The following SPAG17 variants were observed in gnomAD, a reference collection of about 807,000 sequenced individuals.
SPAG17 encodes sperm-associated antigen 17.
In SPAG17, 169 loss-of-function variants were observed where a neutral mutation model predicts 273.6. The observed-to-expected ratio is 0.62, with a 90% CI of 0.55 to 0.70. The LOEUF is 0.70. Ranked by LOEUF, SPAG17 falls within the 30% of genes least tolerant of loss-of-function variation. SPAG17 has a pLI of 0.00. For missense variants in SPAG17, 2,557 were observed against 2,627.8 expected (o/e 0.97, Z 0.59); for synonymous variants, 825 against 873.2 (o/e 0.94, Z 0.97).
At chr1:118,027,520 AC>A (rs553675062) in intron 26 of SPAG17, among the ~76,000 whole-genome samples, 146 of 152,250 alleles carry the variant, frequency 9.6e-4, no homozygotes, top group Non-Finnish European at 1.6e-3. Flanking sequence ...TGACCCTGAG[AC>A]CCTAAGTAAC....
At position 118,015,985 on chromosome 1, in the gene SPAG17, T is replaced by A; in HGVS notation, c.4267A>T (p.Thr1423Ser). 1.2e-6 allele frequency: 2 copies of A among 1,614,030 alleles called. No homozygotes were observed. Among genetic ancestry groups the A allele is most frequent in the Non-Finnish European group, 1.7e-6 (2 of 1,179,932 alleles). The change falls in exon 29 of 49, where the codon ACA (threonine) becomes TCA (serine). Residue 1423 changes from threonine to serine, a missense_variant. Transcript: ENST00000336338. ...CATACCGTTCCATTGACAGGATCTGTGGCCTGAAAGGATAACAATGGGGTC... is the reference window on the plus strand; with the variant it reads ...CATACCGTTCCATTGACAGGATCTGAGGCCTGAAAGGATAACAATGGGGTC... ...DLTPLLSFQA[T>S]DPVNGTVMTT...
chr1:118,144,905 T>A (rs1034089703), intron 3 of SPAG17, among the ~76,000 whole-genome samples: 9 of 152,220 alleles, frequency 5.9e-5, no homozygotes, highest in Middle Eastern at 3.2e-3. Flanking sequence ...GCAGCAGTTT[T>A]TAATACTTTT....
intron 18 of SPAG17, among the ~76,000 whole-genome samples, chr1:118,063,616 T>C (rs1476558436): frequency 1.3e-5 from 2 of 152,118 alleles, no homozygotes; most frequent in East Asian, 1.9e-4. Context: ...ATGTTAGACC[T>C]AAAACCATAA....
intron 24 of SPAG17, 75 bp downstream of exon 24, chr1:118,036,695 G>A: frequency 5.4e-6 from 5 of 925,654 alleles, no homozygotes; most frequent in Non-Finnish European, 8.4e-6. Flanking sequence ...TGACAAGTGA[G>A]CAGACTGAGA....
chr1:118,067,176 G>A (rs1359015914), intron 17 of SPAG17, among the ~76,000 whole-genome samples: 3 of 152,130 alleles, frequency 2.0e-5, no homozygotes, highest in Non-Finnish European at 4.4e-5. Flanking sequence ...AGGTTGGTAG[G>A]TAATAATTAA....
chr1:118,092,020 A>G lies in SPAG17; in HGVS notation c.1174-18T>C, dbSNP rs1435823706. The G allele has an allele frequency of 6.2e-7, 1 of 1,609,998 alleles. No homozygotes were observed. The highest frequency in any genetic ancestry group is 8.5e-7 in the Non-Finnish European group (1 of 1,176,442). On this transcript the variant is annotated intron_variant, in intron 8 of 48. Transcript: ENST00000336338. ...TGTGGAGCCTAGAAAAAGAATAATT[A>G]AAAAGAAACAACTGAGATACCCAGC...
At chr1:117,957,764 G>C (rs1216533543) in intron 48 of SPAG17, among the ~76,000 whole-genome samples, 1 of 152,310 alleles carries the variant, frequency 6.6e-6, no homozygotes, top group South Asian at 2.1e-4. Context: ...GGTTCTTCCA[G>C]TGTGGCCCAG....
At chr1:118,180,693 A>G (rs917950756) in intron 1 of SPAG17, among the ~76,000 whole-genome samples, 9 of 152,112 alleles carry the variant, frequency 5.9e-5, no homozygotes, top group African/African-American at 1.7e-4. Flanking sequence ...TTAAATTATG[A>G]CATGTACCTC....
intron 3 of SPAG17, among the ~76,000 whole-genome samples, chr1:118,123,083 T>C (rs1558028871): frequency 6.6e-6 from 1 of 152,214 alleles, no homozygotes; most frequent in Non-Finnish European, 1.5e-5. Flanking sequence ...GGGGAGGATG[T>C]AGAGGAAAAA....
intron 23 of SPAG17, among the ~76,000 whole-genome samples, chr1:118,037,599 G>A (rs1427945437): frequency 6.6e-6 from 1 of 152,168 alleles, no homozygotes; most frequent in Non-Finnish European, 1.5e-5. Context: ...AGAAAATGCA[G>A]CATTTGTTTT....
intron 23 of SPAG17, among the ~76,000 whole-genome samples, chr1:118,038,966 G>A (rs1263129832): frequency 2.0e-5 from 3 of 152,100 alleles, no homozygotes; most frequent in East Asian, 1.9e-4. Context: ...CAAATGTACC[G>A]CTCTGGGTGA....
At chr1:117,981,802 C>G (rs1174481050) in intron 42 of SPAG17, among the ~76,000 whole-genome samples, 1 of 152,152 alleles carries the variant, frequency 6.6e-6, no homozygotes, top group African/African-American at 2.4e-5. Flanking sequence ...TCATTCATTA[C>G]TGTGAAAACG....
At chr1:118,143,999 C>T (rs192111236) in intron 3 of SPAG17, among the ~76,000 whole-genome samples, 96 of 152,328 alleles carry the variant, frequency 6.3e-4, no homozygotes, top group African/African-American at 2.2e-3. Flanking sequence ...ATCACCACCA[C>T]ACCTCCCCAG....
At chr1:117,963,110 A>T (rs1653319568) in intron 48 of SPAG17, 1 of 152,182 alleles carries the variant, frequency 6.6e-6, no homozygotes, top group South Asian at 2.1e-4. Context: ...TGTTTTTAGA[A>T]CACAGTACAC....
At chr1:118,129,699 CCTT>C (rs1458717865) in intron 3 of SPAG17, among the ~76,000 whole-genome samples, 3 of 150,472 alleles carry the variant, frequency 2.0e-5, no homozygotes, top group Non-Finnish European at 4.4e-5. Flanking sequence ...CTTCCTCTTC[CCTT>C]CTTTCTTTCT....
intron 1 of SPAG17, among the ~76,000 whole-genome samples, chr1:118,174,396 C>T (rs572297866): frequency 1.3e-4 from 20 of 152,000 alleles, no homozygotes; most frequent in South Asian, 1.2e-3. Flanking sequence ...TCAGTGAACT[C>T]GAAGACAGAC....
rs114023150 is a variant in SPAG17 at position 118,017,279 on chromosome 1, A to G, written c.4070-1097T>C. The stretch of plus-strand genomic sequence containing the variant: ...TTTCTATATTCTCCCTTTTTCTCCT[A>G]TTTCCCTCCCCTCTCCTTCTGTTCT... On this transcript the variant is annotated intron_variant, in intron 28 of 48. Coordinates refer to ENST00000336338, the MANE Select transcript of SPAG17 (RefSeq NM_206996.4). Among the ~76,000 whole-genome samples, 1,299 of 152,052 alleles carry G rather than the reference A, an allele frequency of 8.5e-3. 10 individuals are homozygous for G. The highest frequency in any genetic ancestry group is 0.014 in the Admixed American group (216 of 15,258).
intron 4 of SPAG17, among the ~76,000 whole-genome samples, chr1:118,110,645 C>G (rs1293712913): frequency 6.6e-6 from 1 of 152,122 alleles, no homozygotes; most frequent in Non-Finnish European, 1.5e-5. Flanking sequence ...TCAGGGCATT[C>G]CTCCTTGGTG....
In SPAG17 at chr1:118,048,375, A is replaced by T. The variant is rs570046226; in HGVS notation, c.2814+5627T>A. On this transcript the variant is annotated intron_variant, in intron 20 of 48. Coordinates refer to ENST00000336338, the MANE Select transcript of SPAG17 (RefSeq NM_206996.4). Reference sequence around the variant, plus strand: ...GATCCAGGCTTGTCAGAGCAGACCTAAGCTCCAGGCCCACCTCAGCAGACC... The same window carrying T: ...GATCCAGGCTTGTCAGAGCAGACCTTAGCTCCAGGCCCACCTCAGCAGACC... Among the ~76,000 whole-genome samples, 10 of 152,178 alleles carry T rather than the reference A, an allele frequency of 6.6e-5. No individual in the cohort carries two copies. The Middle Eastern group carries it at 0.01, about 155-fold the overall frequency.
Sources: allele counts gnomAD v4.1 joint callset (sites outside exome capture counted in the v4.1 genomes callset), GRCh38; gene constraint gnomAD v4.1.1; transcripts MANE v1.5; gene names NCBI Gene and HGNC (gene_info 2026-07-23, HGNC 2026-07-21).